The following UBXN4 variants were observed in gnomAD, a reference collection of about 807,000 sequenced individuals.
UBXN4 encodes UBX domain protein 4.
In UBXN4, 35 loss-of-function variants were observed where a neutral mutation model predicts 66.2. The ratio of observed to expected loss-of-function variants is 0.53; its 90% CI spans 0.40 to 0.70. The LOEUF (loss-of-function observed/expected upper bound fraction) is 0.70, where lower values mean the gene tolerates loss of function less well. Among genes scored for constraint, UBXN4 ranks in the 30% least tolerant of loss-of-function variants. The pLI, the probability that UBXN4 is intolerant of heterozygous loss-of-function variation, is 0.00. For missense variants in UBXN4, 533 were observed against 599.8 expected, an observed-to-expected ratio of 0.89 and a Z score of 1.16; for synonymous variants, 203 against 204.5, an observed-to-expected ratio of 0.99 and a Z score of 0.06.
intron 11 of UBXN4, 94 bp downstream of exon 11, chr2:135,779,173 A>T (rs2077435645): frequency 7.7e-7 from 1 of 1,292,558 alleles, no homozygotes; most frequent in Admixed American, 2.8e-5. Flanking sequence ...AAGTGCACAG[A>T]TATACTGAAG....
intron 10 of UBXN4, among the ~76,000 whole-genome samples, chr2:135,777,993 C>T (rs1454755348): frequency 1.3e-5 from 2 of 150,238 alleles, no homozygotes; most frequent in Non-Finnish European, 1.5e-5. Context: ...CTGGCTAACA[C>T]GGTGAAACCC....
At position 135,743,725 on chromosome 2, in the gene UBXN4, G is replaced by A. The variant is rs1289070567; in HGVS notation, c.82+1714G>A. 3.3e-5 allele frequency among the ~76,000 whole-genome samples: 5 copies of A among 152,244 alleles called. No homozygotes were observed. In the East Asian group the frequency reaches 9.6e-4, roughly 29 times the overall value. On this transcript the variant is annotated intron_variant, in intron 1 of 12. Coordinates refer to ENST00000272638, the MANE Select transcript of UBXN4 (RefSeq NM_014607.4). ...AACAAATGTCCAAACATTCCTAGAAGGCACTCTTGAGGTAAATCAGTTAAT... is the reference window on the plus strand; with the variant it reads ...AACAAATGTCCAAACATTCCTAGAAAGCACTCTTGAGGTAAATCAGTTAAT...
At chr2:135,755,451 T>G in intron 4 of UBXN4, 66 bp from the exon 5 acceptor site, 1 of 1,292,142 alleles carries the variant, frequency 7.7e-7, no homozygotes, top group Non-Finnish European at 1.0e-6. Context: ...TGTATTTTGG[T>G]CTCTACTGCC....
chr2:135,782,386 G>C (rs1477540435), intron 12 of UBXN4, among the ~76,000 whole-genome samples: 2 of 152,092 alleles, frequency 1.3e-5, no homozygotes, highest in Non-Finnish European at 2.9e-5. Context: ...TAGTCTCTAG[G>C]GTGCTAAGTT....
chr2:135,748,194 C>T (rs1165078445), intron 1 of UBXN4, 73 bp from the exon 2 acceptor site: 9 of 1,183,498 alleles, frequency 7.6e-6, no homozygotes, highest in East Asian at 5.3e-5. Context: ...TTGAGGTTTC[C>T]GTTTTCCAGG....
chr2:135,781,055 T>C (rs974579651), intron 12 of UBXN4, among the ~76,000 whole-genome samples: 1 of 152,176 alleles, frequency 6.6e-6, no homozygotes, highest in Non-Finnish European at 1.5e-5. Flanking sequence ...TGAGACCTTG[T>C]CTGTACAAAA....
In UBXN4 at chr2:135,755,497, C is replaced by G; in HGVS notation, c.334-20C>G. On this transcript the variant is annotated intron_variant, in intron 4 of 12. Coordinates refer to ENST00000272638, the MANE Select transcript of UBXN4 (RefSeq NM_014607.4). ...TAGATTCTTATCTATTAATTAAAAT[C>G]CAATTTATTTTCTGCCTAGATGCAT... 1 of 1,525,974 alleles carries G rather than the reference C, an allele frequency of 6.6e-7. No individual in the cohort carries two copies. The highest frequency in any genetic ancestry group is 8.8e-7 in the Non-Finnish European group (1 of 1,132,280). The allele number at this position is 1,525,974 out of a possible 1,614,324, so 94.5% of individuals were successfully genotyped here.
Position 135,779,164 on chromosome 2 carries a change from A to C in UBXN4, c.1185+85A>C, listed in dbSNP as rs1211285891. On this transcript the variant is annotated intron_variant, in intron 11 of 12. Transcript: ENST00000272638. ...CATTTCTTATAATTAGGGGAAAGGA[A>C]GTGCACAGATATACTGAAGGTAATT... The C allele has an allele frequency of 4.3e-6, 6 of 1,387,658 alleles. No individual in the cohort carries two copies. In the African/African-American group the frequency reaches 5.9e-5, roughly 14 times the overall value. 86.0% of individuals were successfully genotyped at this position (1,387,658 alleles called of 1,614,324 possible). A position where few individuals can be genotyped will look rare whatever the true frequency, so the allele number is the denominator to read the frequency against.
chr2:135,768,141 T>C (rs1023411927), intron 6 of UBXN4, among the ~76,000 whole-genome samples: 2 of 152,204 alleles, frequency 1.3e-5, no homozygotes, highest in African/African-American at 4.8e-5. Context: ...TTTAGTATAT[T>C]CACAAGGTTG....
At chr2:135,756,723 G>T (rs1467013581) in intron 5 of UBXN4, among the ~76,000 whole-genome samples, 1 of 151,948 alleles carries the variant, frequency 6.6e-6, no homozygotes, top group Non-Finnish European at 1.5e-5. Flanking sequence ...TTTCCCTCTG[G>T]TATAATATTC....
In UBXN4 at chr2:135,778,989, G is replaced by A; in HGVS notation, c.1095G>A (p.Met365Ile). 7 of 1,613,196 alleles carry A rather than the reference G, an allele frequency of 4.3e-6. No individual in the cohort carries two copies. Among genetic ancestry groups the A allele is most frequent in the African/African-American group, 1.3e-5 (1 of 74,998 alleles). Residue 365 changes from methionine to isoleucine, a missense_variant, in exon 11 of 13, where the codon ATG becomes ATA. Met to Ile is a conservative substitution (Grantham distance 10). Around this residue, in one of 2 missense-constraint regions of UBXN4, gnomAD observed 529 missense variants for 580.1 expected, o/e 0.91. Coordinates refer to ENST00000272638, the MANE Select transcript of UBXN4 (RefSeq NM_014607.4). ...ACGGTAATTTTTCGTTAGCAACCATGTTTCCCAGGAGGGAATTTACCAAAG... is the reference window on the plus strand; with the variant it reads ...ACGGTAATTTTTCGTTAGCAACCATATTTCCCAGGAGGGAATTTACCAAAG... ...NTYGNFSLATMFPRREFTKED... is the reference protein window; with the variant it reads ...NTYGNFSLATIFPRREFTKED...
intron 5 of UBXN4, among the ~76,000 whole-genome samples, chr2:135,758,764 AT>A (rs879806873): frequency 1.3e-3 from 190 of 147,086 alleles, no homozygotes; most frequent in African/African-American, 3.4e-3. Context: ...TTTTAAAATA[AT>A]TTTTTTTTTT....
At chr2:135,762,768 T>G (rs377456954) in intron 6 of UBXN4, among the ~76,000 whole-genome samples, 74 of 152,328 alleles carry the variant, frequency 4.9e-4, no homozygotes, top group African/African-American at 1.7e-3. Flanking sequence ...GGTATAAGCC[T>G]AGAAGAATAG....
At chr2:135,765,094 T>A (rs1465602905) in intron 6 of UBXN4, among the ~76,000 whole-genome samples, 1 of 152,098 alleles carries the variant, frequency 6.6e-6, no homozygotes, top group East Asian at 1.9e-4. Flanking sequence ...GATTACAGGC[T>A]TGAGCCACCA....
chr2:135,776,016 G>T (rs765575487), intron 9 of UBXN4, among the ~76,000 whole-genome samples: 2 of 152,160 alleles, frequency 1.3e-5, no homozygotes, highest in Non-Finnish European at 2.9e-5. Flanking sequence ...TGATCCGCCC[G>T]CCTTGGCCTC....
intron 4 of UBXN4, 55 bp downstream of exon 4, chr2:135,754,332 T>A (rs2077266435): frequency 2.3e-5 from 33 of 1,447,658 alleles, no homozygotes; most frequent in Non-Finnish European, 3.1e-5. Context: ...AATTGGATTT[T>A]TTTTTTTGAG....
chr2:135,750,835 CTTTTTTTTTTTTTTTTTT>C (rs1166056661), intron 2 of UBXN4, among the ~76,000 whole-genome samples: 7 of 77,438 alleles, frequency 9.0e-5, no homozygotes, highest in Admixed American at 1.6e-4. Context: ...ATGTGTCTGG[CTTTTTTTTTTTTTTTTTT>C]TTTTTTTTTT....
At chr2:135,767,251 C>G (rs927292142) in intron 6 of UBXN4, among the ~76,000 whole-genome samples, 1 of 152,090 alleles carries the variant, frequency 6.6e-6, no homozygotes, top group Non-Finnish European at 1.5e-5. Flanking sequence ...GTCCCAGCCA[C>G]TGAGGAGCCT....
chr2:135,752,589 C>G (rs2077250453), intron 2 of UBXN4, among the ~76,000 whole-genome samples: 1 of 152,152 alleles, frequency 6.6e-6, no homozygotes, highest in African/African-American at 2.4e-5. Context: ...AAGTCGTAGG[C>G]CTTATGTCTT....
Sources: gnomAD v4.1 joint callset for allele counts (sites outside exome capture counted in the v4.1 genomes callset) on GRCh38, gnomAD v4.1.1 for gene constraint, gnomAD v4.1.1 regional missense constraint, MANE v1.5 for transcripts, NCBI Gene and HGNC (gene_info 2026-07-23, HGNC 2026-07-21) for gene names.